Variants in HAT1 observed in about 807,000 individuals in gnomAD.
HAT1 encodes histone acetyltransferase type B catalytic subunit.
A neutral mutation model predicts 56.6 loss-of-function variants in HAT1; 20 were observed. The observed-to-expected ratio is 0.35, with a 90% CI of 0.25 to 0.51. HAT1 has a LOEUF of 0.51. HAT1 is among the 20% of genes least tolerant of loss of function. The pLI is 0.95. For missense variants in HAT1, 408 were observed against 504.3 expected, an observed-to-expected ratio of 0.81 and a Z score of 1.83; for synonymous variants, 146 against 165.5, an observed-to-expected ratio of 0.88 and a Z score of 0.91.
At chr2:171,934,794 C>A (rs1686828402) in intron 2 of HAT1, among the ~76,000 whole-genome samples, 1 of 122,346 alleles carries the variant, frequency 8.2e-6, no homozygotes, top group Admixed American at 9.8e-5. Context: ...TTGGTCTTGT[C>A]ATCCGGGCTG....
At chr2:171,938,347 G>T (rs1215785126) in intron 2 of HAT1, among the ~76,000 whole-genome samples, 1 of 152,156 alleles carries the variant, frequency 6.6e-6, no homozygotes, top group Non-Finnish European at 1.5e-5. Context: ...TTTAGTGGAA[G>T]ACAATTTTTC....
intron 2 of HAT1, among the ~76,000 whole-genome samples, chr2:171,942,715 A>G (rs148905680): frequency 0.012 from 1,806 of 152,286 alleles, 17 homozygotes; most frequent in Middle Eastern, 0.061. Context: ...TGTGACATAT[A>G]TATGTCACAC....
In HAT1 at chr2:171,979,325, A is replaced by G; in HGVS notation, c.1054A>G (p.Arg352Gly). ...TGATGCCGAACAATACAGAAGCTAC[A>G]GACTGGATATTAAAAGAAGACTAAT... ...MSDAEQYRSY[R>G]LDIKRRLISP... Residue 352 changes from arginine (R) to glycine (G), a missense_variant, in exon 10 of 11, where the codon AGA (arginine) becomes GGA (glycine). Coordinates refer to ENST00000264108, the MANE Select transcript of HAT1 (RefSeq NM_003642.4). The G allele has an allele frequency of 1.2e-6, 2 of 1,601,274 alleles. No individual in the cohort carries two copies. Among genetic ancestry groups the G allele is most frequent in the Non-Finnish European group, 1.7e-6 (2 of 1,168,450 alleles).
At chr2:171,944,518 A>G (rs1000435184) in intron 2 of HAT1, among the ~76,000 whole-genome samples, 1 of 152,202 alleles carries the variant, frequency 6.6e-6, no homozygotes, top group African/African-American at 2.4e-5. Flanking sequence ...CCACTTACAC[A>G]TGGACTTTTT....
chr2:171,976,553 G>C (rs1481920384), intron 9 of HAT1, among the ~76,000 whole-genome samples: 4 of 152,048 alleles, frequency 2.6e-5, no homozygotes, highest in Non-Finnish European at 5.9e-5. Context: ...GAAGATAATA[G>C]GTGTTATTGC....
chr2:171,932,396 T>A (rs1686770534), intron 2 of HAT1, among the ~76,000 whole-genome samples: 1 of 152,214 alleles, frequency 6.6e-6, no homozygotes, highest in Non-Finnish European at 1.5e-5. Flanking sequence ...TTTATGTGCC[T>A]TGAGTTTTCT....
chr2:171,929,321 T>A (rs1315357418), intron 2 of HAT1, among the ~76,000 whole-genome samples: 1 of 152,204 alleles, frequency 6.6e-6, no homozygotes, highest in African/African-American at 2.4e-5. Context: ...TATTTGTCTT[T>A]TTGTTATTAG....
At chr2:171,942,283 AC>A (rs1172986901) in intron 2 of HAT1, among the ~76,000 whole-genome samples, 13 of 152,198 alleles carry the variant, frequency 8.5e-5, no homozygotes, top group African/African-American at 2.9e-4. Flanking sequence ...TTGTGGTAAT[AC>A]ATATTTTGCA....
At chr2:171,982,272 G>A (rs984134648) in intron 10 of HAT1, among the ~76,000 whole-genome samples, 1 of 152,216 alleles carries the variant, frequency 6.6e-6, no homozygotes, top group Non-Finnish European at 1.5e-5. Flanking sequence ...GCCAAGGTGG[G>A]TGGATCACTT....
chr2:171,926,093 C>T (rs932911031), intron 2 of HAT1, among the ~76,000 whole-genome samples: 9 of 151,192 alleles, frequency 6.0e-5, no homozygotes, highest in Non-Finnish European at 7.4e-5. Flanking sequence ...CTTTCATTTC[C>T]TCCCCTCACC....
chr2:171,979,394 T>G, intron 10 of HAT1, 31 bp downstream of exon 10: 1 of 993,824 alleles, frequency 1.0e-6, no homozygotes, highest in Non-Finnish European at 1.6e-6. Context: ...AAACACTGTA[T>G]TCTTTTCACT....
At chr2:171,940,061 C>T (rs13399316) in intron 2 of HAT1, among the ~76,000 whole-genome samples, 28,007 of 152,056 alleles carry the variant, frequency 0.18, 3,763 homozygotes, top group African/African-American at 0.37. Context: ...TGAACCACTG[C>T]GTCTGGCCAA....
At chr2:171,957,786 AT>A (rs749848848) in intron 4 of HAT1, among the ~76,000 whole-genome samples, 10 of 152,210 alleles carry the variant, frequency 6.6e-5, no homozygotes, top group Non-Finnish European at 1.2e-4. Flanking sequence ...ACTAAATCAT[AT>A]TTATAAAATT....
intron 3 of HAT1, among the ~76,000 whole-genome samples, chr2:171,950,014 A>G (rs913887115): frequency 1.3e-5 from 2 of 152,198 alleles, no homozygotes; most frequent in African/African-American, 4.8e-5. Flanking sequence ...TTCTGGAGTC[A>G]GTCAGTCTCC....
At chr2:171,980,114 C>G (rs1169602330) in intron 10 of HAT1, 1 of 152,164 alleles carries the variant, frequency 6.6e-6, no homozygotes, top group African/African-American at 2.4e-5. Flanking sequence ...GAAATTGTGT[C>G]TCAGAACAAA....
intron 4 of HAT1, among the ~76,000 whole-genome samples, chr2:171,957,208 A>G (rs1025496974): frequency 2.6e-5 from 4 of 152,232 alleles, no homozygotes; most frequent in Non-Finnish European, 1.5e-5. Flanking sequence ...CTCAGCTGCC[A>G]ACATGTGCTA....
intron 8 of HAT1, among the ~76,000 whole-genome samples, chr2:171,969,771 A>G (rs994038442): frequency 3.3e-5 from 5 of 152,150 alleles, no homozygotes; most frequent in African/African-American, 1.2e-4. Context: ...TTCAGGTAAA[A>G]ATGTGGCCTG....
At chr2:171,977,528 T>TATATATATAA (rs1688000544) in intron 9 of HAT1, among the ~76,000 whole-genome samples, 1 of 15,938 alleles carries the variant, frequency 6.3e-5, no homozygotes, top group Non-Finnish European at 1.3e-4. Context: ...CATATGAATA[T>TATATATATAA]ATATATATAT....
chr2:171,956,965 C>T (rs1270211838), intron 4 of HAT1, among the ~76,000 whole-genome samples: 2 of 152,102 alleles, frequency 1.3e-5, no homozygotes, highest in African/African-American at 2.4e-5. Context: ...GGATTAGGCA[C>T]GTGACTCATG....
Sources: gnomAD v4.1 joint callset for allele counts (sites outside exome capture counted in the v4.1 genomes callset) on GRCh38, gnomAD v4.1.1 for gene constraint, MANE v1.5 for transcripts, NCBI Gene and HGNC (gene_info 2026-07-23, HGNC 2026-07-21) for gene names.